Variants in NPTXR observed in about 807,000 individuals in gnomAD.
NPTXR encodes neuronal pentraxin receptor.
NPTXR carries 12 observed loss-of-function variants against 32.2 expected under a neutral mutation model. The observed-to-expected ratio is 0.37, with a 90% CI of 0.24 to 0.60. The LOEUF is 0.60. NPTXR is among the 20% of genes least tolerant of loss of function. The probability of loss-of-function intolerance (pLI) is 0.66; values close to 1 mark genes in which losing one functional copy is unlikely to be tolerated. For synonymous variants in NPTXR, 323 were observed against 315.8 expected, an observed-to-expected ratio of 1.02 and a Z score of -0.24; for missense variants, 612 against 682.9, an observed-to-expected ratio of 0.90 and a Z score of 1.16.
chr22:38,828,101 G>A (rs779970201), intron 2 of NPTXR, among the ~76,000 whole-genome samples, 186 bp downstream of exon 2: 1 of 152,304 alleles, frequency 6.6e-6, no homozygotes, highest in Non-Finnish European at 1.5e-5. Context: ...CAGAAAATGA[G>A]ATCTGTTAAT....
At chr22:38,828,552 G>T in intron 1 of NPTXR, 40 bp from the exon 2 acceptor site, 1 of 1,494,014 alleles carries the variant, frequency 6.7e-7, no homozygotes, top group Non-Finnish European at 9.1e-7. Flanking sequence ...ACTGAGGGGA[G>T]GAAGGACAGG....
chr22:38,831,314 G>C (rs2093115879), intron 1 of NPTXR, among the ~76,000 whole-genome samples: 1 of 152,204 alleles, frequency 6.6e-6, no homozygotes, highest in African/African-American at 2.4e-5. Context: ...GGCTGAGGCA[G>C]GAGGATTGCT....
At chr22:38,840,407 G>A (rs1217465673) in intron 1 of NPTXR, among the ~76,000 whole-genome samples, 2 of 152,132 alleles carry the variant, frequency 1.3e-5, no homozygotes, top group Non-Finnish European at 2.9e-5. Context: ...GCAGGCCGAG[G>A]AGTTAGGAGA....
chr22:38,838,434 G>A (rs1271629102), intron 1 of NPTXR, among the ~76,000 whole-genome samples: 1 of 152,056 alleles, frequency 6.6e-6, no homozygotes, highest in Non-Finnish European at 1.5e-5. Context: ...AGCAGTGAAG[G>A]TCTTGCAGCA....
At chr22:38,831,205 G>A (rs1391885110) in intron 1 of NPTXR, among the ~76,000 whole-genome samples, 1 of 152,180 alleles carries the variant, frequency 6.6e-6, no homozygotes, top group African/African-American at 2.4e-5. Flanking sequence ...CCTGGAGTTC[G>A]AGACCAGCCT....
rs1226522101 is a variant in NPTXR at position 38,843,040 on chromosome 22, C to T, written c.624+195G>A. On this transcript the variant is annotated intron_variant, in intron 1 of 4. Coordinates refer to ENST00000333039, the MANE Select transcript of NPTXR (RefSeq NM_014293.4). The surrounding 1 kb of genome is among the most constrained non-coding windows in gnomAD (Gnocchi z 5.3). ...TGGGGAGCGAATCTTTCTGGCGCGC[C>T]CTCTGTGCCTCAGTCACCGTGCCAG... Among the ~76,000 whole-genome samples the T allele has an allele frequency of 6.6e-6, 1 of 152,212 alleles. No individual in the cohort carries two copies. The highest frequency in any genetic ancestry group is 1.9e-4 in the East Asian group (1 of 5,190).
In NPTXR at chr22:38,833,630, T is replaced by C. The variant is rs55646269; in HGVS notation, c.625-5118A>G. The stretch of plus-strand genomic sequence containing the variant: ...AGGCATAGGAAGCATCACAGGCGTG[T>C]CTACTATTAATGTCGTGACTAACAA... On this transcript the variant is annotated intron_variant, in intron 1 of 4. Coordinates refer to ENST00000333039, the MANE Select transcript of NPTXR (RefSeq NM_014293.4). Among the ~76,000 whole-genome samples the C allele has an allele frequency of 2.6e-3, 395 of 151,952 alleles. 1 individual carries two copies. Among genetic ancestry groups the C allele is most frequent in the African/African-American group, 9.1e-3 (375 of 41,408 alleles).
chr22:38,839,937 A>G (rs1360900149), intron 1 of NPTXR, among the ~76,000 whole-genome samples: 2 of 152,262 alleles, frequency 1.3e-5, no homozygotes, highest in Admixed American at 1.3e-4. Context: ...ATGGCTGCAT[A>G]TGGATAAGGA....
At position 38,834,585 on chromosome 22, in the gene NPTXR, CCATCCATCCATCCAT is replaced by C. The variant is rs1032046468; in HGVS notation, c.625-6088_625-6074del. On this transcript the variant is annotated intron_variant, in intron 1 of 4. Coordinates refer to ENST00000333039, the MANE Select transcript of NPTXR (RefSeq NM_014293.4). The surrounding 1 kb of genome is among the most constrained non-coding windows in gnomAD (Gnocchi z 4.4). Reference sequence around the variant, plus strand: ...GCAGGGCTGCAGAGCACTCATCCATCCATCCATCCATCCATCATCCATCCATCCATCCATCCATCC... The same window carrying C: ...GCAGGGCTGCAGAGCACTCATCCATCCATCCATCCATCCATCCATCCATCC... 1.3e-4 allele frequency among the ~76,000 whole-genome samples: 17 copies of C among 135,832 alleles called. No individual in the cohort carries two copies. Among genetic ancestry groups the C allele is most frequent in the African/African-American group, 2.5e-4 (9 of 35,852 alleles). 89.1% of individuals were successfully genotyped at this position (135,832 alleles called of 152,430 possible). A position where few individuals can be genotyped will look rare whatever the true frequency, so the allele number is the denominator to read the frequency against.
At chr22:38,841,563 A>C (rs2093131691) in intron 1 of NPTXR, among the ~76,000 whole-genome samples, 2 of 152,212 alleles carry the variant, frequency 1.3e-5, no homozygotes, top group Non-Finnish European at 2.9e-5. Flanking sequence ...AAAGTCAAAA[A>C]TTGTTTTTTA....
intron 1 of NPTXR, among the ~76,000 whole-genome samples, chr22:38,829,409 C>T (rs1402985546): frequency 6.6e-6 from 1 of 152,174 alleles, no homozygotes; most frequent in Non-Finnish European, 1.5e-5. Context: ...TTCCCCTTCT[C>T]CTGCTGGAAG....
chr22:38,823,273 G>A lies in NPTXR; in HGVS notation c.1099-11C>T, dbSNP rs771349158. The A allele has an allele frequency of 4.4e-6, 7 of 1,608,496 alleles. No homozygotes were observed. In the Admixed American group the frequency reaches 6.7e-5, roughly 15 times the overall value. On this transcript the variant is annotated splice_polypyrimidine_tract_variant and intron_variant, in intron 3 of 4. Coordinates refer to ENST00000333039, the MANE Select transcript of NPTXR (RefSeq NM_014293.4). Reference sequence around the variant, plus strand: ...GGGCAGCTGGGCCACCTGGACACAGGTCCCCCAACCCCAGGTCAGAGGTGC... The same window carrying A: ...GGGCAGCTGGGCCACCTGGACACAGATCCCCCAACCCCAGGTCAGAGGTGC...
Position 38,818,516 on chromosome 22 carries a change from A to G in NPTXR, c.*4093T>C, listed in dbSNP as rs1334964331. Reference sequence around the variant, plus strand: ...ACAAAAACAAAAAGGTAACAAAACCATGACACAGATCACACACACATACAC... The same window carrying G: ...ACAAAAACAAAAAGGTAACAAAACCGTGACACAGATCACACACACATACAC... On this transcript the variant is annotated 3_prime_UTR_variant, in exon 5 of 5. Transcript: ENST00000333039. The surrounding 1 kb of genome is among the most constrained non-coding windows in gnomAD (Gnocchi z 4.5). The G allele has an allele frequency of 6.6e-6, 1 of 152,592 alleles. No individual in the cohort carries two copies. The highest frequency in any genetic ancestry group is 1.5e-5 in the Non-Finnish European group (1 of 68,096). 9.5% of individuals were successfully genotyped at this position (152,592 alleles called of 1,614,324 possible). A position where few individuals can be genotyped will look rare whatever the true frequency, so the allele number is the denominator to read the frequency against.
rs1414356473 is a variant in NPTXR, at chr22:38,823,197, T to C, written c.1164A>G (p.Thr388=). The stretch of plus-strand genomic sequence containing the variant: ...GGTAGGCAGACCATAGGCCATCCCT[T>C]GTGGTCCAGGCGATGCAGATGTGGT... Residue 388 remains threonine, a synonymous_variant, in exon 4 of 5, where the codon ACA becomes ACG. Coordinates refer to ENST00000333039, the MANE Select transcript of NPTXR (RefSeq NM_014293.4). 1.6e-5 allele frequency: 26 copies of C among 1,613,982 alleles called. No homozygotes were observed. The highest frequency in any genetic ancestry group is 2.1e-5 in the Non-Finnish European group (25 of 1,180,010).
intron 1 of NPTXR, among the ~76,000 whole-genome samples, chr22:38,829,385 C>G (rs1237130886): frequency 6.6e-6 from 1 of 152,128 alleles, no homozygotes; most frequent in Non-Finnish European, 1.5e-5. Context: ...GGGGCAGGAG[C>G]TGGGAGGGTT....
In NPTXR at chr22:38,822,423, G is replaced by A; in HGVS notation, c.*186C>T. On this transcript the variant is annotated 3_prime_UTR_variant, in exon 5 of 5. Transcript: ENST00000333039. ...AGACGCTCCTCCCCACTCAGGTGGG[G>A]ACAGGGGACACACTCGCAGGGCAGG... The A allele has an allele frequency of 1.6e-6, 1 of 609,952 alleles. No homozygotes were observed. Among genetic ancestry groups the A allele is most frequent in the Middle Eastern group, 4.4e-4 (1 of 2,262 alleles). 37.8% of individuals were successfully genotyped at this position (609,952 alleles called of 1,614,324 possible).
chr22:38,822,557 C>A lies in NPTXR; in HGVS notation c.*52G>T, dbSNP rs537575374. The A allele has an allele frequency of 3.3e-6, 5 of 1,531,162 alleles. No homozygotes were observed. The South Asian group carries it at 5.8e-5, about 18-fold the overall frequency. 94.8% of individuals were successfully genotyped at this position (1,531,162 alleles called of 1,614,324 possible). On this transcript the variant is annotated 3_prime_UTR_variant, in exon 5 of 5. Transcript: ENST00000333039. ...AGGCTGAGGAGGGAATATGACCCCC[C>A]TCAAGTCCCCAAAGTGGCAGGCAAG... is the stretch of plus-strand genomic sequence containing the variant.
rs2093120505 is a variant in NPTXR, at chr22:38,834,114, T to C, written c.625-5602A>G. 7.1e-6 allele frequency among the ~76,000 whole-genome samples: 1 copy of C among 140,614 alleles called. No homozygotes were observed. The highest frequency in any genetic ancestry group is 2.3e-4 in the South Asian group (1 of 4,372). The allele number at this position is 140,614 out of a possible 152,430, so 92.2% of individuals were successfully genotyped here. On this transcript the variant is annotated intron_variant, in intron 1 of 4. Coordinates refer to ENST00000333039, the MANE Select transcript of NPTXR (RefSeq NM_014293.4). This position sits in a 1 kb window ranked among gnomAD's most constrained non-coding sequence, Gnocchi z 4.4. ...GAGCTTCATGAAGTGGTGTCTCTAA[T>C]GCTTGAATCTAAACCTGCGTCTCGC...
chr22:38,832,128 C>T (rs1388057204), intron 1 of NPTXR, among the ~76,000 whole-genome samples: 1 of 152,200 alleles, frequency 6.6e-6, no homozygotes, highest in Non-Finnish European at 1.5e-5. Context: ...TGCGCTCAAG[C>T]TGTTCTTTTG....
Sources: gnomAD v4.1 joint callset for allele counts (sites outside exome capture counted in the v4.1 genomes callset) on GRCh38, gnomAD v4.1.1 for gene constraint, Gnocchi (gnomAD v3.1) non-coding constraint, MANE v1.5 for transcripts, NCBI Gene and HGNC (gene_info 2026-07-23, HGNC 2026-07-21) for gene names.